The following ZC2HC1A variants were observed in gnomAD, a reference collection of about 807,000 sequenced individuals.
The protein encoded by ZC2HC1A is zinc finger C2HC domain-containing protein 1A.
Under a neutral mutation model 40.7 loss-of-function variants are expected in ZC2HC1A, and 28 were observed. The ratio of observed to expected loss-of-function variants is 0.69; its 90% confidence interval spans 0.51 to 0.94. The LOEUF (loss-of-function observed/expected upper bound fraction) is 0.94. Among genes scored for constraint, ZC2HC1A ranks in the 40% least tolerant of loss-of-function variants. The pLI is 0.00. For missense variants in ZC2HC1A, 389 were observed against 386.3 expected (o/e 1.01, Z -0.06); for synonymous variants, 129 against 129.2 (o/e 1.00, Z 0.01).
At chr8:78,680,486 A>G (rs1417806284) in intron 3 of ZC2HC1A, among the ~76,000 whole-genome samples, 1 of 152,144 alleles carries the variant, frequency 6.6e-6, no homozygotes, top group African/African-American at 2.4e-5. Context: ...TCCTTGGGTG[A>G]GTCGTATGCA....
intron 5 of ZC2HC1A, among the ~76,000 whole-genome samples, chr8:78,695,446 A>G (rs189784717): frequency 3.3e-5 from 5 of 152,310 alleles, no homozygotes; most frequent in Admixed American, 2.0e-4. Context: ...TCAATATGTA[A>G]TAGGCCACAT....
At chr8:78,703,373 G>C (rs1278365729) in intron 7 of ZC2HC1A, among the ~76,000 whole-genome samples, 1 of 152,094 alleles carries the variant, frequency 6.6e-6, no homozygotes, top group African/African-American at 2.4e-5. Flanking sequence ...TGTCAGTGAG[G>C]TGTTAAAGTC....
chr8:78,678,931 A>G lies in ZC2HC1A; in HGVS notation c.210+252A>G, dbSNP rs143833246. ...GGTGCTGTTTCAAACTCCATCAATTACAGTGAGATTTTTATAGCATTGGAG... is the reference window on the plus strand; with the variant it reads ...GGTGCTGTTTCAAACTCCATCAATTGCAGTGAGATTTTTATAGCATTGGAG... On this transcript the variant is annotated intron_variant, in intron 3 of 8. Transcript: ENST00000263849. The G allele has an allele frequency of 1.0e-3, 242 of 236,388 alleles. 2 individuals carry two copies. The highest frequency in any genetic ancestry group is 5.1e-3 in the African/African-American group (229 of 44,898). The allele number at this position is 236,388 out of a possible 1,614,324, so 14.6% of individuals were successfully genotyped here.
At chr8:78,675,213 T>A (rs1161851182) in intron 1 of ZC2HC1A, among the ~76,000 whole-genome samples, 6 of 151,782 alleles carry the variant, frequency 4.0e-5, no homozygotes, top group Admixed American at 3.9e-4. Context: ...CTCCATTTAC[T>A]AGTCCACTGA....
Position 78,678,885 on chromosome 8 carries a change from A to G in ZC2HC1A, c.210+206A>G, listed in dbSNP as rs1262006810. ...ATTTTATTTTAAAAAATAAGCTTCTAAACTTCAAAGAAGAGACCAAGGTGC... is the reference window on the plus strand; with the variant it reads ...ATTTTATTTTAAAAAATAAGCTTCTGAACTTCAAAGAAGAGACCAAGGTGC... On this transcript the variant is annotated intron_variant, in intron 3 of 8. Transcript: ENST00000263849. 5 of 318,274 alleles carry G rather than the reference A, an allele frequency of 1.6e-5. No homozygotes were observed. In the Admixed American group the frequency reaches 2.5e-4, roughly 16 times the overall value. 19.7% of individuals were successfully genotyped at this position (318,274 alleles called of 1,614,324 possible).
chr8:78,688,333 A>C (rs893288258), intron 4 of ZC2HC1A, among the ~76,000 whole-genome samples: 1 of 152,052 alleles, frequency 6.6e-6, no homozygotes, highest in Admixed American at 6.6e-5. Context: ...AAGTTTTTTT[A>C]ATCTTTTGGG....
Position 78,687,339 on chromosome 8 carries a change from C to T in ZC2HC1A, c.352+731C>T, listed in dbSNP as rs185903778. ...GTTCTTTAGCAAATCTAGATATGAT[C>T]GTTTTTGACATTTTATTGTAGAGGA... On this transcript the variant is annotated intron_variant, in intron 4 of 8. Transcript: ENST00000263849. 2.7e-3 allele frequency among the ~76,000 whole-genome samples: 405 copies of T among 151,004 alleles called. 1 individual carries two copies. The highest frequency in any genetic ancestry group is 4.3e-3 in the Non-Finnish European group (294 of 67,756).
At chr8:78,714,238 CTCT>C (rs1468590648) in intron 7 of ZC2HC1A, among the ~76,000 whole-genome samples, 3 of 152,098 alleles carry the variant, frequency 2.0e-5, no homozygotes, top group African/African-American at 7.2e-5. Flanking sequence ...TACTTAGGGG[CTCT>C]TTACCTCATT....
intron 7 of ZC2HC1A, among the ~76,000 whole-genome samples, chr8:78,712,638 G>A (rs1056767670): frequency 6.6e-6 from 1 of 152,148 alleles, no homozygotes; most frequent in African/African-American, 2.4e-5. Flanking sequence ...CTGCCAAAGA[G>A]TCAAGCTCGA....
chr8:78,719,666 TGTG>T lies in ZC2HC1A; in HGVS notation c.*2177_*2179del, dbSNP rs1449603036. ...ATTGTGTTAGGTTGAAAAAGATGAT[TGTG>T]GTGACTATTATTTCTTGTCCACTAT... On this transcript the variant is annotated 3_prime_UTR_variant, in exon 9 of 9. Transcript: ENST00000263849. The T allele has an allele frequency of 6.6e-6, 1 of 151,864 alleles. No homozygotes were observed. Among genetic ancestry groups the T allele is most frequent in the East Asian group, 1.9e-4 (1 of 5,176 alleles). 9.4% of individuals were successfully genotyped at this position (151,864 alleles called of 1,614,324 possible).
chr8:78,684,045 C>T (rs1221603293), intron 3 of ZC2HC1A, among the ~76,000 whole-genome samples: 1 of 152,162 alleles, frequency 6.6e-6, no homozygotes, highest in Non-Finnish European at 1.5e-5. Context: ...CAACAAGTTT[C>T]TAGGAAGTTC....
At chr8:78,716,091 T>C (rs139210048) in intron 8 of ZC2HC1A, among the ~76,000 whole-genome samples, 237 of 151,342 alleles carry the variant, frequency 1.6e-3, no homozygotes, top group African/African-American at 5.3e-3. Flanking sequence ...AGCATCTATT[T>C]TACCTTTATT....
At chr8:78,693,193 C>A (rs1190129723) in intron 5 of ZC2HC1A, among the ~76,000 whole-genome samples, 1 of 152,094 alleles carries the variant, frequency 6.6e-6, no homozygotes, top group Non-Finnish European at 1.5e-5. Context: ...AATAAACATA[C>A]GTGTTTATGT....
At chr8:78,685,854 GGA>G (rs896637349) in intron 3 of ZC2HC1A, 29 of 152,302 alleles carry the variant, frequency 1.9e-4, no homozygotes, top group African/African-American at 7.0e-4. Flanking sequence ...ACCACAAACT[GGA>G]TAATTTATAA....
intron 5 of ZC2HC1A, among the ~76,000 whole-genome samples, chr8:78,691,661 T>C (rs994925049): frequency 1.1e-4 from 17 of 152,278 alleles, no homozygotes; most frequent in Admixed American, 2.0e-4. Flanking sequence ...TTTTCCCTTT[T>C]GTCTTCATAA....
chr8:78,680,620 A>T (rs1809745978), intron 3 of ZC2HC1A, among the ~76,000 whole-genome samples: 1 of 152,216 alleles, frequency 6.6e-6, no homozygotes, highest in Non-Finnish European at 1.5e-5. Context: ...GCAACTACAA[A>T]CTTCATTTTT....
chr8:78,709,075 A>G (rs1810874444), intron 7 of ZC2HC1A, among the ~76,000 whole-genome samples: 1 of 152,218 alleles, frequency 6.6e-6, no homozygotes, highest in Non-Finnish European at 1.5e-5. Context: ...ACACAGTTGT[A>G]CCTTATTACC....
chr8:78,716,135 T>C (rs1292191792), intron 8 of ZC2HC1A, among the ~76,000 whole-genome samples: 1 of 151,424 alleles, frequency 6.6e-6, no homozygotes, highest in Non-Finnish European at 1.5e-5. Context: ...TTTTGGTTTG[T>C]TTTTTAAGAC....
chr8:78,698,471 C>T lies in ZC2HC1A; in HGVS notation c.662C>T (p.Thr221Ile), dbSNP rs778502446. The T allele has an allele frequency of 1.2e-5, 19 of 1,613,040 alleles. No homozygotes were observed. The Admixed American group carries it at 3.2e-4, about 27-fold the overall frequency. ...AGCTCTTTGGGAAACAAACTTCAGA[C>T]CTTATCTCCCTCTCATAAAGGGATA... ...SSSSLGNKLQ[T>I]LSPSHKGIAA... Residue 221 changes from threonine to isoleucine, a missense_variant, in exon 7 of 9, where the codon ACC becomes ATC. Transcript: ENST00000263849.
Sources: allele counts gnomAD v4.1 joint callset (sites outside exome capture counted in the v4.1 genomes callset), GRCh38; gene constraint gnomAD v4.1.1; transcripts MANE v1.5; gene names NCBI Gene and HGNC (gene_info 2026-07-23, HGNC 2026-07-21).